ADAM29: variants seen among roughly 807,000 people sequenced by gnomAD.
The protein encoded by ADAM29 is ADAM metallopeptidase domain 29, also known as disintegrin and metalloproteinase domain-containing protein 29.
For missense variants in ADAM29, 969 were observed against 1,001.8 expected, an observed-to-expected ratio of 0.97 and a Z score of 0.44; for synonymous variants, 367 against 342.3, an observed-to-expected ratio of 1.07 and a Z score of -0.80.
chr4:174,946,736 G>T (rs1015433312), intron 4 of ADAM29, among the ~76,000 whole-genome samples: 5 of 152,192 alleles, frequency 3.3e-5, no homozygotes, highest in Middle Eastern at 6.8e-3. Flanking sequence ...TCCAGGTTTT[G>T]GTATCAGGAA....
chr4:174,976,833 T>C lies in ADAM29; in HGVS notation c.1308T>C (p.Thr436=), dbSNP rs1231591947. Residue 436 remains threonine, a synonymous_variant, in exon 5 of 5, where the codon ACT becomes ACC. Transcript: ENST00000359240. ...LSNCTLTDGS[T]CAFGLCCKDC... The stretch of plus-strand genomic sequence containing the variant: ...ATTGCACTCTGACTGATGGTTCTAC[T>C]TGTGCTTTTGGGCTTTGTTGCAAAG... 1.2e-6 allele frequency: 2 copies of C among 1,614,204 alleles called. No homozygotes were observed. The highest frequency in any genetic ancestry group is 1.7e-6 in the Non-Finnish European group (2 of 1,180,044).
At chr4:174,962,681 G>C (rs1280045574) in intron 4 of ADAM29, among the ~76,000 whole-genome samples, 1 of 151,856 alleles carries the variant, frequency 6.6e-6, no homozygotes, top group Non-Finnish European at 1.5e-5. Flanking sequence ...TTGTTAAATA[G>C]CTAGATTTAA....
At chr4:174,940,961 A>G (rs1255055741) in intron 4 of ADAM29, among the ~76,000 whole-genome samples, 4 of 152,170 alleles carry the variant, frequency 2.6e-5, no homozygotes, top group Admixed American at 2.6e-4. Context: ...TAGTTAGAAA[A>G]TCATCATTAA....
intron 2 of ADAM29, among the ~76,000 whole-genome samples, chr4:174,922,592 T>C (rs1208751514): frequency 6.6e-6 from 1 of 152,146 alleles, no homozygotes; most frequent in Non-Finnish European, 1.5e-5. Context: ...TTTTTACTTC[T>C]AGGAACCCCA....
In ADAM29 at chr4:174,968,187, A is replaced by C. The variant is rs865972870; in HGVS notation, c.-180-7159A>C. 9.8e-5 allele frequency among the ~76,000 whole-genome samples: 15 copies of C among 152,290 alleles called. No individual in the cohort carries two copies. In the Middle Eastern group the frequency reaches 0.01, roughly 104 times the overall value. ...CTTTTTCTTTTGAGTTAAAATATAC[A>C]TACAATGAATTACACTAGACAAAGT... On this transcript the variant is annotated intron_variant, in intron 4 of 4. Coordinates refer to ENST00000359240, the MANE Select transcript of ADAM29 (RefSeq NM_014269.4).
intron 4 of ADAM29, among the ~76,000 whole-genome samples, chr4:174,945,495 T>C (rs1329378927): frequency 6.6e-6 from 1 of 152,172 alleles, no homozygotes; most frequent in African/African-American, 2.4e-5. Context: ...CAGAAGTCTT[T>C]TGTTTACATA....
chr4:174,933,153 C>T (rs755915140), intron 3 of ADAM29, among the ~76,000 whole-genome samples: 5 of 152,108 alleles, frequency 3.3e-5, no homozygotes, highest in Non-Finnish European at 7.3e-5. Context: ...AGAATGGGGT[C>T]TGGGATAACA....
At chr4:174,920,439 G>C (rs1743101644) in intron 1 of ADAM29, among the ~76,000 whole-genome samples, 1 of 152,050 alleles carries the variant, frequency 6.6e-6, no homozygotes, top group East Asian at 1.9e-4. Context: ...CATTAGAAGA[G>C]GGAAGCTCAT....
At chr4:174,965,849 T>C (rs1270963597) in intron 4 of ADAM29, among the ~76,000 whole-genome samples, 2 of 152,130 alleles carry the variant, frequency 1.3e-5, no homozygotes, top group African/African-American at 4.8e-5. Context: ...CCAAATAACA[T>C]TATGCTGAAG....
chr4:174,923,578 T>C (rs376687584), intron 2 of ADAM29, among the ~76,000 whole-genome samples: 1 of 139,152 alleles, frequency 7.2e-6, no homozygotes, highest in Admixed American at 7.6e-5. Flanking sequence ...CACATATATA[T>C]CTTTAAAAAA....
intron 2 of ADAM29, among the ~76,000 whole-genome samples, chr4:174,929,280 A>C (rs1247940663): frequency 3.3e-5 from 5 of 152,150 alleles, no homozygotes; most frequent in African/African-American, 1.2e-4. Flanking sequence ...TTTTTGAAGC[A>C]TAATGTTGAC....
intron 4 of ADAM29, among the ~76,000 whole-genome samples, chr4:174,973,433 G>T (rs1746580944): frequency 6.6e-6 from 1 of 152,106 alleles, no homozygotes; most frequent in Admixed American, 6.6e-5. Flanking sequence ...CCAGGATGTG[G>T]TAGTCATTCA....
intron 4 of ADAM29, among the ~76,000 whole-genome samples, chr4:174,974,229 C>T (rs1339867424): frequency 1.3e-5 from 2 of 152,174 alleles, no homozygotes; most frequent in Non-Finnish European, 2.9e-5. Context: ...CCGAGCTTTT[C>T]CATTCTTAGT....
At chr4:174,939,552 A>C (rs1744408220) in intron 4 of ADAM29, among the ~76,000 whole-genome samples, 1 of 152,174 alleles carries the variant, frequency 6.6e-6, no homozygotes, top group South Asian at 2.1e-4. Context: ...ATATTTTATC[A>C]CATACCTTTG....
At chr4:174,945,975 C>A (rs957614433) in intron 4 of ADAM29, among the ~76,000 whole-genome samples, 2 of 152,052 alleles carry the variant, frequency 1.3e-5, no homozygotes, top group East Asian at 3.9e-4. Context: ...ACTATTTGAG[C>A]CTTTTTTGAT....
intron 4 of ADAM29, among the ~76,000 whole-genome samples, chr4:174,940,155 G>T (rs766256752): frequency 1.3e-5 from 2 of 152,022 alleles, no homozygotes; most frequent in African/African-American, 4.8e-5. Flanking sequence ...TTTTCTTCCA[G>T]GGCTGTGGGA....
intron 4 of ADAM29, among the ~76,000 whole-genome samples, chr4:174,938,233 G>T (rs939773007): frequency 6.6e-6 from 1 of 152,024 alleles, no homozygotes; most frequent in African/African-American, 2.4e-5. Context: ...TCTTGGGGCG[G>T]GGCAAGAAGT....
In ADAM29 at chr4:174,928,219, G is replaced by A. The variant is rs138548613; in HGVS notation, c.-450-2767G>A. 6.4e-3 allele frequency among the ~76,000 whole-genome samples: 969 copies of A among 152,214 alleles called. 6 individuals carry two copies. The highest frequency in any genetic ancestry group is 0.027 in the Middle Eastern group (8 of 294). The stretch of plus-strand genomic sequence containing the variant: ...TATCAGTCCTGCCGGGCTACCTCCT[G>A]ATAAAAGCAGAGGAGGCAGCCCTGC... On this transcript the variant is annotated intron_variant, in intron 2 of 4. Transcript: ENST00000359240.
intron 1 of ADAM29, 59 bp downstream of exon 1, chr4:174,918,530 A>C (rs1401022559): frequency 6.6e-6 from 1 of 152,154 alleles, no homozygotes; most frequent in African/African-American, 2.4e-5. Flanking sequence ...AAGGTCAAAG[A>C]AGTAGTCATA....
Sources: allele counts gnomAD v4.1 joint callset (sites outside exome capture counted in the v4.1 genomes callset), GRCh38; gene constraint gnomAD v4.1.1; transcripts MANE v1.5; gene names NCBI Gene and HGNC (gene_info 2026-07-23, HGNC 2026-07-21).